The following NIBAN2 variants were observed in gnomAD, a reference collection of about 807,000 sequenced individuals.
The protein encoded by NIBAN2 is protein Niban 2.
NIBAN2 carries 36 observed loss-of-function variants against 81.8 expected under a neutral mutation model. The ratio of observed to expected loss-of-function variants is 0.44; its 90% confidence interval spans 0.34 to 0.58. NIBAN2 has a LOEUF of 0.58. Among genes scored for constraint, NIBAN2 ranks in the 20% least tolerant of loss-of-function variants. The probability of loss-of-function intolerance (pLI) is 0.02; values close to 1 mark genes in which losing one functional copy is unlikely to be tolerated. For synonymous variants in NIBAN2, 445 were observed against 441.6 expected (o/e 1.01, Z -0.10); for missense variants, 897 against 1,014.1 (o/e 0.88, Z 1.57).
rs957132137 is a variant in NIBAN2, at chr9:127,542,188, A to G, written c.56-10410T>C. Among the ~76,000 whole-genome samples, 4 of 152,256 alleles carry G rather than the reference A, an allele frequency of 2.6e-5. No individual in the cohort carries two copies. In the East Asian group the frequency reaches 7.7e-4, roughly 29 times the overall value. On this transcript the variant is annotated intron_variant, in intron 1 of 13. Coordinates refer to ENST00000373312, the MANE Select transcript of NIBAN2 (RefSeq NM_022833.4). ...GAACTGAGCTCCTTACCATGCCCGC[A>G]GGCCCAAGTCATCTGGGGTCTCGCA...
At chr9:127,549,847 C>G (rs955175818) in intron 1 of NIBAN2, among the ~76,000 whole-genome samples, 1 of 152,186 alleles carries the variant, frequency 6.6e-6, no homozygotes, top group Non-Finnish European at 1.5e-5. Flanking sequence ...ACCCTCAGGT[C>G]ACCAGCTGCA....
intron 8 of NIBAN2, among the ~76,000 whole-genome samples, chr9:127,512,538 C>T (rs1180662846): frequency 1.3e-5 from 2 of 152,182 alleles, no homozygotes; most frequent in South Asian, 2.1e-4. Context: ...CCACCCGCCT[C>T]GGCCTCCCAG....
Position 127,521,796 on chromosome 9 carries a change from G to A in NIBAN2, c.589+1883C>T, listed in dbSNP as rs76324763. On this transcript the variant is annotated intron_variant, in intron 5 of 13. Coordinates refer to ENST00000373312, the MANE Select transcript of NIBAN2 (RefSeq NM_022833.4). ...CTCCTGGGCCTCCCTCTGGTCCACT[G>A]CACCTTAGAACCAAGAACTCCCCCA... Among the ~76,000 whole-genome samples the A allele has an allele frequency of 4.5e-4, 68 of 152,240 alleles. 2 individuals are homozygous for A. In the East Asian group the frequency reaches 0.012, roughly 27 times the overall value.
chr9:127,568,862 G>C lies in NIBAN2; in HGVS notation c.13C>G (p.Leu5Val), dbSNP rs893290433. Reference protein sequence around the residue: MGDVLSTHLDDARRQ... With the variant: MGDVVSTHLDDARRQ... Reference sequence around the variant, plus strand: ...CGGGCGTCGTCCAGGTGCGTGGACAGCACGTCCCCCATGGCCAGGAGGTGT... The same window carrying C: ...CGGGCGTCGTCCAGGTGCGTGGACACCACGTCCCCCATGGCCAGGAGGTGT... Residue 5 changes from leucine (L) to valine (V), a missense_variant, in exon 1 of 14, where the codon CTG becomes GTG. By Grantham distance (32) the Leu-to-Val change is conservative. Around this residue, in one of 3 missense-constraint regions of NIBAN2, gnomAD observed 209 missense variants for 208.4 expected, o/e 1.00. Coordinates refer to ENST00000373312, the MANE Select transcript of NIBAN2 (RefSeq NM_022833.4). 1.0e-5 allele frequency: 14 copies of C among 1,360,980 alleles called. No individual in the cohort carries two copies. In the Admixed American group the frequency reaches 3.8e-4, roughly 37 times the overall value. The allele number at this position is 1,360,980 out of a possible 1,614,324, so 84.3% of individuals were successfully genotyped here.
intron 1 of NIBAN2, among the ~76,000 whole-genome samples, chr9:127,546,586 G>A (rs1221879436): frequency 6.6e-6 from 1 of 152,132 alleles, no homozygotes; most frequent in East Asian, 1.9e-4. Context: ...CATCAGACAG[G>A]TCACAACCAC....
chr9:127,546,652 C>A (rs1420197964), intron 1 of NIBAN2, among the ~76,000 whole-genome samples: 4 of 152,162 alleles, frequency 2.6e-5, no homozygotes, highest in Non-Finnish European at 5.9e-5. Flanking sequence ...CATCAGCCAG[C>A]GCGGGCCAAG....
At chr9:127,522,165 A>G (rs530174141) in intron 5 of NIBAN2, among the ~76,000 whole-genome samples, 197 of 152,286 alleles carry the variant, frequency 1.3e-3, no homozygotes, top group African/African-American at 4.6e-3. Flanking sequence ...TGGGAACAGG[A>G]GGCCCTTTGT....
intron 1 of NIBAN2, among the ~76,000 whole-genome samples, chr9:127,535,171 C>G (rs1837251916): frequency 6.6e-6 from 1 of 152,236 alleles, no homozygotes; most frequent in Non-Finnish European, 1.5e-5. Flanking sequence ...GCACCCAGCC[C>G]ACAGACAGAT....
At chr9:127,575,238 T>C (rs919243480) in intron 1 of NIBAN2, among the ~76,000 whole-genome samples, 43 of 151,310 alleles carry the variant, frequency 2.8e-4, no homozygotes, top group Admixed American at 5.9e-4. Flanking sequence ...TTCTTTTTTT[T>C]TTTTTTTTGA....
At chr9:127,557,470 G>C (rs889533568) in intron 1 of NIBAN2, among the ~76,000 whole-genome samples, 4 of 141,964 alleles carry the variant, frequency 2.8e-5, no homozygotes, top group African/African-American at 1.0e-4. Flanking sequence ...GGGACTGCAG[G>C]AAGAGGGGAG....
At chr9:127,546,439 T>C (rs983893261) in intron 1 of NIBAN2, among the ~76,000 whole-genome samples, 36 of 152,180 alleles carry the variant, frequency 2.4e-4, no homozygotes, top group Non-Finnish European at 4.0e-4. Flanking sequence ...CCTGGACACC[T>C]GCCCTGGGCC....
In NIBAN2 at chr9:127,507,129, T is replaced by A. The variant is rs539417380; in HGVS notation, c.1957A>T (p.Ile653Phe). The A allele has an allele frequency of 6.3e-7, 1 of 1,598,406 alleles. No homozygotes were observed. The highest frequency in any genetic ancestry group is 1.3e-5 in the African/African-American group (1 of 74,802). Residue 653 changes from isoleucine to phenylalanine, a missense_variant, in exon 14 of 14, where the codon ATC becomes TTC. Coordinates refer to ENST00000373312, the MANE Select transcript of NIBAN2 (RefSeq NM_022833.4). This position sits in a 1 kb window ranked among gnomAD's most constrained non-coding sequence, Gnocchi z 6.8. ...AGACCTTGGGCCAGCAGGCCTCGGA[T>A]CTCAGTGACACCGTCCGGGGACGCA... ...PPASPDGVTE[I>F]RGLLAQGLRP... is the part of the protein sequence containing the mutation.
chr9:127,540,407 G>A (rs1270644392), intron 1 of NIBAN2, among the ~76,000 whole-genome samples: 6 of 152,282 alleles, frequency 3.9e-5, no homozygotes, highest in Admixed American at 2.0e-4. Flanking sequence ...CTAAAAAGGC[G>A]TATCCCGGAG....
At position 127,520,838 on chromosome 9, in the gene NIBAN2, T is replaced by G. The variant is rs1254761941; in HGVS notation, c.589+2841A>C. 2.6e-5 allele frequency among the ~76,000 whole-genome samples: 4 copies of G among 151,968 alleles called. No individual in the cohort carries two copies. In the East Asian group the frequency reaches 5.8e-4, roughly 22 times the overall value. On this transcript the variant is annotated intron_variant, in intron 5 of 13. Transcript: ENST00000373312. ...GGCGGAGGTTGCAGTGAGCCGAGAT[T>G]GCGCCACTGCACTCCAGCCTGGGTG... is the stretch of plus-strand genomic sequence containing the variant.
intron 8 of NIBAN2, among the ~76,000 whole-genome samples, chr9:127,511,276 G>A (rs991859407): frequency 6.6e-6 from 1 of 151,932 alleles, no homozygotes; most frequent in Non-Finnish European, 1.5e-5. Context: ...TCAAACTCCT[G>A]ATCTCAGGTG....
chr9:127,520,312 C>T (rs1398171969), intron 5 of NIBAN2, among the ~76,000 whole-genome samples: 3 of 150,002 alleles, frequency 2.0e-5, no homozygotes, highest in African/African-American at 7.4e-5. Context: ...AATCTTGGCT[C>T]ACTGCAGCCT....
In NIBAN2 at chr9:127,506,521, A is replaced by C; in HGVS notation, c.*324T>G. On this transcript the variant is annotated 3_prime_UTR_variant, in exon 14 of 14. Coordinates refer to ENST00000373312, the MANE Select transcript of NIBAN2 (RefSeq NM_022833.4). ...CTCTCCAGGAAGGATGGCAGCACCC[A>C]TGAGGGGATGGAGGCCACAGAAGGA... The C allele has an allele frequency of 4.0e-6, 1 of 251,708 alleles. No individual in the cohort carries two copies. The highest frequency in any genetic ancestry group is 7.6e-6 in the Non-Finnish European group (1 of 131,852). 15.6% of individuals were successfully genotyped at this position (251,708 alleles called of 1,614,324 possible). A position where few individuals can be genotyped will look rare whatever the true frequency, so the allele number is the denominator to read the frequency against.
intron 2 of NIBAN2, among the ~76,000 whole-genome samples, chr9:127,529,166 A>G (rs1288674009): frequency 6.6e-6 from 1 of 152,254 alleles, no homozygotes; most frequent in African/African-American, 2.4e-5. Context: ...GGTCAGAGAC[A>G]GCACAGGCCC....
chr9:127,508,503 G>A lies in NIBAN2; in HGVS notation c.1353C>T (p.Leu451=), dbSNP rs11545937. 0.06 allele frequency: 97,049 copies of A among 1,613,626 alleles called. 3,351 individuals carry two copies. Among genetic ancestry groups the A allele is most frequent in the Non-Finnish European group, 0.07 (82,293 of 1,179,706 alleles). The change falls in exon 11 of 14, where the codon CTC becomes CTT. Residue 451 remains leucine (L), a synonymous_variant. Coordinates refer to ENST00000373312, the MANE Select transcript of NIBAN2 (RefSeq NM_022833.4). This position sits in a 1 kb window ranked among gnomAD's most constrained non-coding sequence, Gnocchi z 6.4. Reference sequence around the variant, plus strand: ...GCCCCTTCCCCAGCTCCTGGTGCAGGAGGGTCTCGAACGTATACACGGCAT... The same window carrying A: ...GCCCCTTCCCCAGCTCCTGGTGCAGAAGGGTCTCGAACGTATACACGGCAT... ...MDNAVYTFET[L]LHQELGKGPT...
Sources: gnomAD v4.1 joint callset for allele counts (sites outside exome capture counted in the v4.1 genomes callset) on GRCh38, gnomAD v4.1.1 for gene constraint, gnomAD v4.1.1 regional missense constraint, Gnocchi (gnomAD v3.1) non-coding constraint, MANE v1.5 for transcripts, NCBI Gene and HGNC (gene_info 2026-07-23, HGNC 2026-07-21) for gene names.